MTA3: variants seen among roughly 807,000 people sequenced by gnomAD.
MTA3 encodes metastasis associated 1 family member 3, also known as metastasis-associated protein MTA3.
A neutral mutation model predicts 83.5 loss-of-function variants in MTA3; 34 were observed. That is an observed-to-expected ratio of 0.41 (90% confidence interval 0.31 to 0.54). The LOEUF is 0.54. Among genes scored for constraint, MTA3 ranks in the 20% least tolerant of loss-of-function variants. The probability of loss-of-function intolerance (pLI) is 0.33; values close to 1 mark genes in which losing one functional copy is unlikely to be tolerated. For missense variants in MTA3, 761 were observed against 726.4 expected, an observed-to-expected ratio of 1.05 and a Z score of -0.55; for synonymous variants, 303 against 252.7, an observed-to-expected ratio of 1.20 and a Z score of -1.89.
chr2:42,734,839 C>G (rs570926492), intron 16 of MTA3, among the ~76,000 whole-genome samples: 2 of 152,204 alleles, frequency 1.3e-5, no homozygotes, highest in African/African-American at 4.8e-5. Context: ...AAAGAGAAAA[C>G]TAGTGGAAAC....
chr2:42,551,129 T>C (rs1677090825), intron 2 of MTA3, among the ~76,000 whole-genome samples: 1 of 152,116 alleles, frequency 6.6e-6, no homozygotes, highest in African/African-American at 2.4e-5. Flanking sequence ...AGACTTTCTC[T>C]CCAAAACAGC....
chr2:42,670,119 C>T (rs1301595333), intron 8 of MTA3, among the ~76,000 whole-genome samples: 7 of 152,098 alleles, frequency 4.6e-5, no homozygotes, highest in Non-Finnish European at 1.0e-4. Context: ...ATTAGCTGGG[C>T]GTGGTGGCAC....
chr2:42,522,213 A>G (rs1675461657), intron 2 of MTA3, among the ~76,000 whole-genome samples: 1 of 152,110 alleles, frequency 6.6e-6, no homozygotes, highest in Non-Finnish European at 1.5e-5. Flanking sequence ...GGTAGTTACA[A>G]CCACCCTCCG....
intron 9 of MTA3, among the ~76,000 whole-genome samples, chr2:42,690,997 C>T (rs1692841988): frequency 6.6e-6 from 1 of 152,084 alleles, no homozygotes; most frequent in South Asian, 2.1e-4. Context: ...CTGCCTCAGC[C>T]TCCCAAGTAG....
At chr2:42,639,905 C>T (rs2104297419) in intron 4 of MTA3, among the ~76,000 whole-genome samples, 1 of 152,108 alleles carries the variant, frequency 6.6e-6, no homozygotes, top group African/African-American at 2.4e-5. Flanking sequence ...TAGAAACTAC[C>T]TATAAAGTAT....
intron 16 of MTA3, among the ~76,000 whole-genome samples, chr2:42,742,080 G>A (rs1479839670): frequency 2.0e-5 from 3 of 151,932 alleles, no homozygotes; most frequent in Non-Finnish European, 4.4e-5. Flanking sequence ...AATGCATAGA[G>A]CAATATAGTG....
intron 15 of MTA3, among the ~76,000 whole-genome samples, chr2:42,719,593 C>T (rs1183344475): frequency 6.6e-6 from 1 of 152,108 alleles, no homozygotes; most frequent in Non-Finnish European, 1.5e-5. Context: ...AGGCTGGTCT[C>T]AAACTCCTGG....
chr2:42,534,560 G>A (rs1424443312), intron 2 of MTA3, among the ~76,000 whole-genome samples: 3 of 151,978 alleles, frequency 2.0e-5, no homozygotes, highest in Non-Finnish European at 2.9e-5. Context: ...TCGAGCCACC[G>A]CACTCCAGCC....
At chr2:42,747,606 CTGGCTGATAACGCCCATAG>C (rs2104597848) in intron 16 of MTA3, among the ~76,000 whole-genome samples, 1 of 151,592 alleles carries the variant, frequency 6.6e-6, no homozygotes, top group African/African-American at 2.4e-5. Context: ...ATGGAAGTTC[CTGGCTGATAACGCCCATAG>C]TGCTTGTTAC....
chr2:42,537,112 C>A (rs550516070), intron 2 of MTA3, among the ~76,000 whole-genome samples: 1 of 152,258 alleles, frequency 6.6e-6, no homozygotes, highest in South Asian at 2.1e-4. Context: ...GTACAGCTGA[C>A]CTCCTCCACA....
At chr2:42,751,160 A>G (rs114715723) in intron 16 of MTA3, among the ~76,000 whole-genome samples, 1,554 of 152,332 alleles carry the variant, frequency 0.01, 24 homozygotes, top group African/African-American at 0.036. Context: ...GATTGCTTTC[A>G]TTGGATTGGT....
chr2:42,728,675 T>C (rs1667993905), intron 16 of MTA3, among the ~76,000 whole-genome samples: 1 of 152,220 alleles, frequency 6.6e-6, no homozygotes, highest in Non-Finnish European at 1.5e-5. Flanking sequence ...TGATACCTCA[T>C]TGTAGTTTTG....
chr2:42,746,104 G>A (rs182229922), intron 16 of MTA3, among the ~76,000 whole-genome samples: 12 of 152,176 alleles, frequency 7.9e-5, no homozygotes, highest in South Asian at 4.2e-4. Context: ...GAGCCACTGC[G>A]CCCTGCCAAA....
chr2:42,527,223 G>A (rs1234026347), intron 2 of MTA3, among the ~76,000 whole-genome samples: 2 of 152,110 alleles, frequency 1.3e-5, no homozygotes, highest in Non-Finnish European at 2.9e-5. Flanking sequence ...GGCCTCAGCT[G>A]TATCAACAAA....
rs1231606658 is a variant in MTA3, at chr2:42,568,769, C to T, written c.24C>T (p.Val8=). The T allele has an allele frequency of 4.9e-6, 6 of 1,217,812 alleles. No individual in the cohort carries two copies. The highest frequency in any genetic ancestry group is 4.7e-5 in the African/African-American group (3 of 63,566). 75.4% of individuals were successfully genotyped at this position (1,217,812 alleles called of 1,614,324 possible). A position where few individuals can be genotyped will look rare whatever the true frequency, so the allele number is the denominator to read the frequency against. The change falls in exon 1 of 17, where the codon GTC becomes GTT. Residue 8 remains valine (V), a synonymous_variant. Transcript: ENST00000405094. ...ACATGGCGGCCAACATGTACCGGGT[C>T]GGAGGTAGGCAGGCTCGGCCCGACC... MAANMYR[V]GDYVYFENSS...
intron 2 of MTA3, among the ~76,000 whole-genome samples, chr2:42,511,343 C>T (rs1400625847): frequency 6.7e-6 from 1 of 149,766 alleles, no homozygotes; most frequent in African/African-American, 2.5e-5. Context: ...ATCTCATTAC[C>T]TTTCTACGTC....
At chr2:42,547,189 C>A (rs529466448) in intron 2 of MTA3, among the ~76,000 whole-genome samples, 5 of 152,290 alleles carry the variant, frequency 3.3e-5, no homozygotes, top group African/African-American at 1.2e-4. Context: ...AACAATTCGC[C>A]AATCGGGCAG....
intron 3 of MTA3, among the ~76,000 whole-genome samples, chr2:42,589,336 A>G (rs1036726391): frequency 2.6e-5 from 4 of 152,178 alleles, no homozygotes; most frequent in Admixed American, 2.6e-4. Flanking sequence ...ATATAATTAT[A>G]AACTATTTAA....
At chr2:42,655,067 T>G (rs1689048227) in intron 6 of MTA3, among the ~76,000 whole-genome samples, 1 of 152,224 alleles carries the variant, frequency 6.6e-6, no homozygotes, top group Non-Finnish European at 1.5e-5. Flanking sequence ...TCATTACTTG[T>G]GAAGGAACTC....
Sources: allele counts gnomAD v4.1 joint callset (sites outside exome capture counted in the v4.1 genomes callset), GRCh38; gene constraint gnomAD v4.1.1; transcripts MANE v1.5; gene names NCBI Gene and HGNC (gene_info 2026-07-23, HGNC 2026-07-21).